The following PKNOX2 variants were observed in gnomAD, a reference collection of about 807,000 sequenced individuals.
The protein encoded by PKNOX2 is homeobox protein PKNOX2.
PKNOX2 carries 14 observed loss-of-function variants against 53.1 expected under a neutral mutation model. The ratio of observed to expected loss-of-function variants is 0.26; its 90% CI spans 0.17 to 0.41. The LOEUF (loss-of-function observed/expected upper bound fraction) is 0.41. Ranked by LOEUF, PKNOX2 falls within the 10% of genes least tolerant of loss-of-function variation. The probability of loss-of-function intolerance (pLI) is 1.00; values close to 1 mark genes in which losing one functional copy is unlikely to be tolerated. For synonymous variants in PKNOX2, 257 were observed against 242.8 expected (o/e 1.06, Z -0.54); for missense variants, 496 against 602.8 (o/e 0.82, Z 1.85).
At chr11:125,323,965 A>C (rs1949680486) in intron 2 of PKNOX2, among the ~76,000 whole-genome samples, 1 of 152,160 alleles carries the variant, frequency 6.6e-6, no homozygotes, top group African/African-American at 2.4e-5. Context: ...TACTCCATGT[A>C]AAAGGCCATC....
At chr11:125,198,622 C>G (rs1271453465) in intron 1 of PKNOX2, among the ~76,000 whole-genome samples, 1 of 152,130 alleles carries the variant, frequency 6.6e-6, no homozygotes. Flanking sequence ...TACACTTCCT[C>G]GAGTTTCCGA....
intron 2 of PKNOX2, among the ~76,000 whole-genome samples, chr11:125,297,784 A>C (rs1172173017): frequency 1.3e-5 from 2 of 152,028 alleles, no homozygotes; most frequent in African/African-American, 4.8e-5. Flanking sequence ...CTCTCCCCGC[A>C]CACTATTTTT....
At chr11:125,328,564 AC>A (rs1949968008) in intron 2 of PKNOX2, among the ~76,000 whole-genome samples, 1 of 152,166 alleles carries the variant, frequency 6.6e-6, no homozygotes, top group South Asian at 2.1e-4. Flanking sequence ...TCTGTCATTT[AC>A]CAAGTCAGCC....
chr11:125,202,758 A>T (rs150831987), intron 1 of PKNOX2, among the ~76,000 whole-genome samples: 90 of 152,164 alleles, frequency 5.9e-4, no homozygotes, highest in African/African-American at 2.0e-3. Flanking sequence ...AGATAATTTC[A>T]TCACCCCTTC....
intron 2 of PKNOX2, among the ~76,000 whole-genome samples, chr11:125,237,180 C>A (rs1208854890): frequency 6.6e-6 from 1 of 152,194 alleles, no homozygotes; most frequent in Non-Finnish European, 1.5e-5. Flanking sequence ...TGTGACAGCT[C>A]CATGTAGCCT....
intron 2 of PKNOX2, among the ~76,000 whole-genome samples, chr11:125,329,530 A>G (rs1420267672): frequency 6.6e-6 from 1 of 152,252 alleles, no homozygotes; most frequent in African/African-American, 2.4e-5. Context: ...AGAAGCTTAT[A>G]GTTTGGAAGG....
chr11:125,397,877 G>A lies in PKNOX2; in HGVS notation c.403G>A (p.Val135Met), dbSNP rs762425144. 7 of 1,609,274 alleles carry A rather than the reference G, an allele frequency of 4.3e-6. No homozygotes were observed. Among genetic ancestry groups the A allele is most frequent in the Non-Finnish European group, 5.1e-6 (6 of 1,177,830 alleles). The change falls in exon 7 of 13, where the codon GTG (valine) becomes ATG (methionine). Residue 135 changes from valine (V) to methionine (M), a missense_variant. Val to Met is a conservative substitution (Grantham distance 21). Coordinates refer to ENST00000298282, the MANE Select transcript of PKNOX2 (RefSeq NM_001382323.2). ...SDDPELDNLMVKAIQVLRIHL... is the reference protein window; with the variant it reads ...SDDPELDNLMMKAIQVLRIHL... The stretch of plus-strand genomic sequence containing the variant: ...CACCTCTCCTCCCTCTCCACAGATG[G>A]TGAAGGCAATCCAGGTCCTGAGAAT...
chr11:125,208,763 G>C (rs147619113), intron 1 of PKNOX2, among the ~76,000 whole-genome samples: 1 of 138,772 alleles, frequency 7.2e-6, no homozygotes, highest in East Asian at 2.1e-4. Context: ...TTGGGTGGTT[G>C]GAAGAAAAGG....
chr11:125,429,671 T>C (rs528776390), intron 11 of PKNOX2, among the ~76,000 whole-genome samples: 15 of 152,292 alleles, frequency 9.8e-5, no homozygotes, highest in African/African-American at 3.6e-4. Context: ...AGTCAGAGGT[T>C]AGTGCCTATG....
At chr11:125,335,218 C>T (rs1950372711) in intron 3 of PKNOX2, among the ~76,000 whole-genome samples, 1 of 152,196 alleles carries the variant, frequency 6.6e-6, no homozygotes, top group Admixed American at 6.5e-5. Context: ...CTGAACGGGC[C>T]CCCTCTGAAC....
chr11:125,305,328 G>A (rs961919144), intron 2 of PKNOX2, among the ~76,000 whole-genome samples: 1 of 152,222 alleles, frequency 6.6e-6, no homozygotes, highest in African/African-American at 2.4e-5. Flanking sequence ...GGCCTGACTT[G>A]CAGGCAAGGG....
chr11:125,325,113 C>T (rs1207373379), intron 2 of PKNOX2, among the ~76,000 whole-genome samples: 3 of 152,186 alleles, frequency 2.0e-5, no homozygotes, highest in African/African-American at 7.2e-5. Context: ...TTAAAGCGGA[C>T]ATTTGCTTTT....
Position 125,410,199 on chromosome 11 carries a change from C to G in PKNOX2, c.592C>G (p.Leu198Val), listed in dbSNP as rs778017645. 1 of 1,613,944 alleles carries G rather than the reference C, an allele frequency of 6.2e-7. No individual in the cohort carries two copies. Among genetic ancestry groups the G allele is most frequent in the Non-Finnish European group, 8.5e-7 (1 of 1,179,934 alleles). Residue 198 changes from leucine (L) to valine (V), a missense_variant, in exon 8 of 13, where the codon CTC (leucine) becomes GTC (valine). This residue lies in a region of PKNOX2 where 141 missense variants were observed against 143.9 expected (regional missense o/e 0.98). Transcript: ENST00000298282. ...ACCACGCCTCCCTCACTGCCAGGAC[C>G]TCCTGCAGAATTCCCCCAATTCCAT... is the stretch of plus-strand genomic sequence containing the variant. ...QPSINLHSQD[L>V]LQNSPNSMSG...
At chr11:125,262,786 C>G (rs1057037136) in intron 2 of PKNOX2, among the ~76,000 whole-genome samples, 2 of 152,148 alleles carry the variant, frequency 1.3e-5, no homozygotes, top group Admixed American at 6.5e-5. Context: ...TTTTCTTTCT[C>G]TAACTTTCTC....
At chr11:125,280,431 G>A (rs1024278195) in intron 2 of PKNOX2, among the ~76,000 whole-genome samples, 1 of 152,154 alleles carries the variant, frequency 6.6e-6, no homozygotes, top group Admixed American at 6.5e-5. Context: ...CCAGGGGCAA[G>A]GAGAGGCTGC....
intron 5 of PKNOX2, among the ~76,000 whole-genome samples, chr11:125,378,754 A>C (rs1952999712): frequency 6.6e-6 from 1 of 152,140 alleles, no homozygotes; most frequent in Non-Finnish European, 1.5e-5. Context: ...CACAAAGTTT[A>C]TCACCCAGAA....
Position 125,213,428 on chromosome 11 carries a change from T to A in PKNOX2, c.-200-21617T>A, listed in dbSNP as rs1297051735. Among the ~76,000 whole-genome samples, 3 of 152,164 alleles carry A rather than the reference T, an allele frequency of 2.0e-5. 1 individual carries two copies. Among genetic ancestry groups the A allele is most frequent in the Non-Finnish European group, 4.4e-5 (3 of 67,998 alleles). On this transcript the variant is annotated intron_variant, in intron 1 of 12. Coordinates refer to ENST00000298282, the MANE Select transcript of PKNOX2 (RefSeq NM_001382323.2). ...TGAAAAATGCTTTGTAAACTGTCAG[T>A]GCTCATTGTCTCCTCAGGACAAAAG...
At chr11:125,316,963 T>A (rs1949234164) in intron 2 of PKNOX2, among the ~76,000 whole-genome samples, 1 of 152,262 alleles carries the variant, frequency 6.6e-6, no homozygotes, top group South Asian at 2.1e-4. Flanking sequence ...TTGGAGTCAA[T>A]TCTCTCTAAC....
intron 1 of PKNOX2, among the ~76,000 whole-genome samples, chr11:125,174,796 G>T (rs375324700): frequency 2.0e-5 from 3 of 152,134 alleles, no homozygotes; most frequent in Non-Finnish European, 4.4e-5. Context: ...ACTCAAGACC[G>T]CTGCTCCCCT....
Sources: gnomAD v4.1 joint callset for allele counts (sites outside exome capture counted in the v4.1 genomes callset) on GRCh38, gnomAD v4.1.1 for gene constraint, gnomAD v4.1.1 regional missense constraint, MANE v1.5 for transcripts, NCBI Gene and HGNC (gene_info 2026-07-23, HGNC 2026-07-21) for gene names.